The following CCSER1 variants were observed in gnomAD, a reference collection of about 807,000 sequenced individuals.
The protein encoded by CCSER1 is coiled-coil serine rich protein 1, also known as serine-rich coiled-coil domain-containing protein 1.
In CCSER1, 41 loss-of-function variants were observed where a neutral mutation model predicts 82.0. The ratio of observed to expected loss-of-function variants is 0.50; its 90% CI spans 0.39 to 0.65. CCSER1 has a LOEUF of 0.65. CCSER1 is among the 30% of genes least tolerant of loss of function. The pLI is 0.00. For synonymous variants in CCSER1, 414 were observed against 383.9 expected, an observed-to-expected ratio of 1.08 and a Z score of -0.92; for missense variants, 1,119 against 1,064.2, an observed-to-expected ratio of 1.05 and a Z score of -0.72.
At chr4:91,282,071 T>A (rs1343495438) in intron 10 of CCSER1, among the ~76,000 whole-genome samples, 1 of 152,182 alleles carries the variant, frequency 6.6e-6, no homozygotes, top group Non-Finnish European at 1.5e-5. Flanking sequence ...TCGCAAATAT[T>A]GGTGAGTCTT....
intron 1 of CCSER1, among the ~76,000 whole-genome samples, chr4:90,238,215 T>G (rs1746156166): frequency 6.6e-6 from 1 of 152,210 alleles, no homozygotes; most frequent in South Asian, 2.1e-4. Context: ...CAGTTGTTTA[T>G]CTGGGATAAT....
chr4:91,495,335 T>C (rs1758743385), intron 10 of CCSER1, among the ~76,000 whole-genome samples: 1 of 151,434 alleles, frequency 6.6e-6, no homozygotes, highest in Non-Finnish European at 1.5e-5. Context: ...TAAAAACCAT[T>C]ATTCTAAAAG....
At chr4:90,529,954 T>A (rs571866720) in intron 5 of CCSER1, among the ~76,000 whole-genome samples, 11,693 of 150,172 alleles carry the variant, frequency 0.078, 566 homozygotes, top group South Asian at 0.15. Context: ...TATATATATT[T>A]TTTTTTTCTC....
At chr4:90,673,265 T>C (rs1216077669) in intron 6 of CCSER1, among the ~76,000 whole-genome samples, 1 of 151,974 alleles carries the variant, frequency 6.6e-6, no homozygotes, top group Non-Finnish European at 1.5e-5. Context: ...AAGGCTCAAC[T>C]ATTAGTGCCA....
chr4:90,480,260 G>A (rs1048103690), intron 5 of CCSER1, among the ~76,000 whole-genome samples: 6 of 152,018 alleles, frequency 3.9e-5, no homozygotes, highest in African/African-American at 1.5e-4. Flanking sequence ...TGAGTTTATT[G>A]TAGATTCTGG....
chr4:90,910,291 A>G (rs1321048784), intron 8 of CCSER1, among the ~76,000 whole-genome samples: 4 of 152,260 alleles, frequency 2.6e-5, no homozygotes, highest in African/African-American at 9.6e-5. Context: ...GGGACACAGA[A>G]TCAAACCATA....
At chr4:91,369,577 T>C (rs1418498855) in intron 10 of CCSER1, among the ~76,000 whole-genome samples, 1 of 151,968 alleles carries the variant, frequency 6.6e-6, no homozygotes, top group Non-Finnish European at 1.5e-5. Flanking sequence ...GTTAATGATT[T>C]AATGAATAAA....
intron 9 of CCSER1, among the ~76,000 whole-genome samples, chr4:91,046,253 T>C (rs1248855106): frequency 1.3e-5 from 2 of 152,034 alleles, no homozygotes; most frequent in Admixed American, 1.3e-4. Context: ...AATGTTGTCA[T>C]CCTTTAATAT....
chr4:91,522,480 C>A (rs559582600), intron 10 of CCSER1, among the ~76,000 whole-genome samples: 3 of 152,128 alleles, frequency 2.0e-5, no homozygotes, highest in Non-Finnish European at 4.4e-5. Flanking sequence ...GCCATTTTCA[C>A]GATATTGATT....
intron 5 of CCSER1, among the ~76,000 whole-genome samples, chr4:90,532,621 T>C (rs983947084): frequency 1.3e-5 from 2 of 152,188 alleles, no homozygotes; most frequent in African/African-American, 4.8e-5. Flanking sequence ...AGGAGCCGTA[T>C]ACAATAGGTA....
intron 6 of CCSER1, chr4:90,683,105 T>A (rs948630030): frequency 6.6e-6 from 1 of 152,210 alleles, no homozygotes; most frequent in Non-Finnish European, 1.5e-5. Flanking sequence ...GAAGAAAAGA[T>A]GAGAGATTAA....
At chr4:91,180,942 CT>C (rs34843279) in intron 10 of CCSER1, among the ~76,000 whole-genome samples, 46,498 of 152,106 alleles carry the variant, frequency 0.31, 7,233 homozygotes, top group Admixed American at 0.32. Context: ...ATAGATTGGG[CT>C]AGTTAACTGC....
At chr4:91,176,041 T>C (rs940276441) in intron 10 of CCSER1, among the ~76,000 whole-genome samples, 6 of 152,258 alleles carry the variant, frequency 3.9e-5, no homozygotes, top group African/African-American at 1.4e-4. Flanking sequence ...TTTCTACATA[T>C]GGCTAGCCAG....
At chr4:90,128,542 A>C (rs866041965) in intron 1 of CCSER1, among the ~76,000 whole-genome samples, 28 of 151,530 alleles carry the variant, frequency 1.8e-4, no homozygotes, top group Admixed American at 5.3e-4. Context: ...CTCTGGACTA[A>C]CCAGTGGGTT....
intron 10 of CCSER1, among the ~76,000 whole-genome samples, chr4:91,352,040 A>C (rs1242102952): frequency 6.6e-6 from 1 of 152,196 alleles, no homozygotes; most frequent in African/African-American, 2.4e-5. Flanking sequence ...TATATTGTAA[A>C]TTGCTGAGAA....
rs1763761410 is a variant in CCSER1 at position 90,467,261 on chromosome 4, G to A, written c.1604-973G>A. On this transcript the variant is annotated intron_variant, in intron 4 of 10. Coordinates refer to ENST00000509176, the MANE Select transcript of CCSER1 (RefSeq NM_001145065.2). ...ATTAGCTTGGCATGATAGTGCGCCT[G>A]TAGTCCTAGCTACTTGGGAGGCTGA... is the stretch of plus-strand genomic sequence containing the variant. 2.0e-5 allele frequency among the ~76,000 whole-genome samples: 3 copies of A among 152,108 alleles called. 1 individual carries two copies. Among genetic ancestry groups the A allele is most frequent in the Admixed American group, 6.6e-5 (1 of 15,264 alleles).
At chr4:90,483,853 G>C (rs1766513106) in intron 5 of CCSER1, among the ~76,000 whole-genome samples, 1 of 152,046 alleles carries the variant, frequency 6.6e-6, no homozygotes, top group African/African-American at 2.4e-5. Flanking sequence ...TATGTATCTT[G>C]GAGTTGCTCT....
chr4:90,917,728 TA>T (rs913926252), intron 8 of CCSER1, among the ~76,000 whole-genome samples: 27 of 152,070 alleles, frequency 1.8e-4, no homozygotes, highest in South Asian at 1.5e-3. Flanking sequence ...AATAAACACC[TA>T]AAAAAAATCT....
intron 4 of CCSER1, among the ~76,000 whole-genome samples, chr4:90,432,104 G>C (rs1016647517): frequency 4.6e-5 from 7 of 152,082 alleles, no homozygotes; most frequent in African/African-American, 1.4e-4. Context: ...GAAAAATACT[G>C]TTTTGAAAGG....
Sources: allele counts gnomAD v4.1 joint callset (sites outside exome capture counted in the v4.1 genomes callset), GRCh38; gene constraint gnomAD v4.1.1; transcripts MANE v1.5; gene names NCBI Gene and HGNC (gene_info 2026-07-23, HGNC 2026-07-21).